Variants in GNL1 observed in about 807,000 individuals in gnomAD.
The protein encoded by GNL1 is G protein nucleolar 1.
In GNL1, 21 loss-of-function variants were observed where a neutral mutation model predicts 75.2. That is an observed-to-expected ratio of 0.28 (90% confidence interval 0.20 to 0.40). The LOEUF is 0.40. Among genes scored for constraint, GNL1 ranks in the 10% least tolerant of loss-of-function variants. The probability of loss-of-function intolerance (pLI) is 1.00; values close to 1 mark genes in which losing one functional copy is unlikely to be tolerated. For missense variants in GNL1, 579 were observed against 775.0 expected (o/e 0.75, Z 3.00); for synonymous variants, 287 against 303.4 (o/e 0.95, Z 0.56).
chr6:30,556,242 C>G lies in GNL1; in HGVS notation c.-39G>C, dbSNP rs774135161. ...CACCTGGCCCGCCCTCCGCCGAGCTCCCGCCGCCTCAACTGACTGCCCCCC... is the reference window on the plus strand; with the variant it reads ...CACCTGGCCCGCCCTCCGCCGAGCTGCCGCCGCCTCAACTGACTGCCCCCC... On this transcript the variant is annotated 5_prime_UTR_variant, in exon 1 of 12. Transcript: ENST00000376621. The surrounding 1 kb of genome is among the most constrained non-coding windows in gnomAD (Gnocchi z 5.7). 8.6e-5 allele frequency: 137 copies of G among 1,596,912 alleles called. No individual in the cohort carries two copies. The highest frequency in any genetic ancestry group is 1.3e-4 in the African/African-American group (10 of 74,846).
rs917271270 is a variant in GNL1 at position 30,544,775 on chromosome 6, C to T, written c.*1297G>A. The T allele has an allele frequency of 2.6e-5, 4 of 152,152 alleles. No homozygotes were observed. Among genetic ancestry groups the T allele is most frequent in the African/African-American group, 9.7e-5 (4 of 41,408 alleles). 9.4% of individuals were successfully genotyped at this position (152,152 alleles called of 1,614,324 possible). On this transcript the variant is annotated 3_prime_UTR_variant, in exon 12 of 12. Coordinates refer to ENST00000376621, the MANE Select transcript of GNL1 (RefSeq NM_005275.5). The stretch of plus-strand genomic sequence containing the variant: ...TTGGTTAACAGGGTCTGTCTGCTCG[C>T]ATTAGAGAAACTGCCCAGTGACTCA...
Position 30,547,245 on chromosome 6 carries a change from C to G in GNL1, c.1308G>C (p.Gln436His). The change falls in exon 10 of 12, where the codon CAG (glutamine) becomes CAC (histidine). Residue 436 changes from glutamine to histidine, a missense_variant. By Grantham distance (24) the Gln-to-His change is conservative. Transcript: ENST00000376621. The surrounding 1 kb of genome is among the most constrained non-coding windows in gnomAD (Gnocchi z 5.5). ...QVLAGIYPIA[Q>H]IQEPYTAVGY... Reference sequence around the variant, plus strand: ...CCACAGCAGTGTAGGGCTCCTGGATCTGGGCGATAGGGTAGATCCCTGCCA... The same window carrying G: ...CCACAGCAGTGTAGGGCTCCTGGATGTGGGCGATAGGGTAGATCCCTGCCA... 1 of 1,608,650 alleles carries G rather than the reference C, an allele frequency of 6.2e-7. No individual in the cohort carries two copies. Among genetic ancestry groups the G allele is most frequent in the South Asian group, 1.1e-5 (1 of 90,580 alleles).
intron 8 of GNL1, among the ~76,000 whole-genome samples, chr6:30,551,287 G>A (rs1038982378): frequency 1.3e-5 from 2 of 152,284 alleles, no homozygotes; most frequent in Middle Eastern, 3.4e-3. Context: ...AGGGAGACTA[G>A]GATCAGAAGT....
In GNL1 at chr6:30,555,485, C is replaced by G. The variant is rs1323648164; in HGVS notation, c.239+70G>C. 2 of 1,462,266 alleles carry G rather than the reference C, an allele frequency of 1.4e-6. No homozygotes were observed. Among genetic ancestry groups the G allele is most frequent in the Admixed American group, 1.8e-5 (1 of 54,584 alleles). 90.6% of individuals were successfully genotyped at this position (1,462,266 alleles called of 1,614,324 possible). ...CCCACCGTCTTCACCAGTAGCAGCC[C>G]GCTTTCCCCCAAAGCTCTGACTTCC... On this transcript the variant is annotated intron_variant, in intron 2 of 11. Coordinates refer to ENST00000376621, the MANE Select transcript of GNL1 (RefSeq NM_005275.5). This position sits in a 1 kb window ranked among gnomAD's most constrained non-coding sequence, Gnocchi z 4.3.
intron 8 of GNL1, among the ~76,000 whole-genome samples, chr6:30,550,210 T>A (rs554378422): frequency 6.6e-6 from 1 of 152,254 alleles, no homozygotes; most frequent in Admixed American, 6.5e-5. Flanking sequence ...TCCGTCCTCT[T>A]CTCTCCCCTA....
Position 30,546,389 on chromosome 6 carries a change from G to A in GNL1, c.1583-76C>T. On this transcript the variant is annotated intron_variant, in intron 11 of 11. Coordinates refer to ENST00000376621, the MANE Select transcript of GNL1 (RefSeq NM_005275.5). This position sits in a 1 kb window ranked among gnomAD's most constrained non-coding sequence, Gnocchi z 5.1. Reference sequence around the variant, plus strand: ...AAAGCCAAGGAAAGATGGGGAAGAGGCAAAGACTAGGAATAACAATAATCT... The same window carrying A: ...AAAGCCAAGGAAAGATGGGGAAGAGACAAAGACTAGGAATAACAATAATCT... The A allele has an allele frequency of 1.2e-6, 1 of 846,088 alleles. No homozygotes were observed. Among genetic ancestry groups the A allele is most frequent in the Non-Finnish European group, 1.9e-6 (1 of 528,398 alleles). 52.4% of individuals were successfully genotyped at this position (846,088 alleles called of 1,614,324 possible).
Position 30,546,693 on chromosome 6 carries a change from G to T in GNL1, c.1582+3C>A. 1 of 1,602,532 alleles carries T rather than the reference G, an allele frequency of 6.2e-7. No individual in the cohort carries two copies. Among genetic ancestry groups the T allele is most frequent in the Non-Finnish European group, 8.5e-7 (1 of 1,173,476 alleles). ...GGCTGGGGAAGAATATCTGGGCTCTGACCTTTCTGTTCACTGTAGCCTGGG... is the reference window on the plus strand; with the variant it reads ...GGCTGGGGAAGAATATCTGGGCTCTTACCTTTCTGTTCACTGTAGCCTGGG... On this transcript the variant is annotated splice_donor_region_variant and intron_variant, in intron 11 of 11. Transcript: ENST00000376621. The surrounding 1 kb of genome is among the most constrained non-coding windows in gnomAD (Gnocchi z 5.1).
At position 30,544,612 on chromosome 6, in the gene GNL1, T is replaced by C. The variant is rs1205206182; in HGVS notation, c.*1460A>G. Reference sequence around the variant, plus strand: ...ACATTTTGGGAAACCTTCAAGTACATTCTCATGCTGGTATTATTTAAACTT... The same window carrying C: ...ACATTTTGGGAAACCTTCAAGTACACTCTCATGCTGGTATTATTTAAACTT... On this transcript the variant is annotated 3_prime_UTR_variant, in exon 12 of 12. Transcript: ENST00000376621. The C allele has an allele frequency of 6.6e-6, 1 of 152,230 alleles. No homozygotes were observed. The highest frequency in any genetic ancestry group is 1.5e-5 in the Non-Finnish European group (1 of 68,056). The allele number at this position is 152,230 out of a possible 1,614,324, so 9.4% of individuals were successfully genotyped here. A position where few individuals can be genotyped will look rare whatever the true frequency, so the allele number is the denominator to read the frequency against.
chr6:30,555,486 G>A lies in GNL1; in HGVS notation c.239+69C>T. 1 of 1,467,932 alleles carries A rather than the reference G, an allele frequency of 6.8e-7. No individual in the cohort carries two copies. Among genetic ancestry groups the A allele is most frequent in the Non-Finnish European group, 9.3e-7 (1 of 1,069,830 alleles). The allele number at this position is 1,467,932 out of a possible 1,614,324, so 90.9% of individuals were successfully genotyped here. ...CCACCGTCTTCACCAGTAGCAGCCC[G>A]CTTTCCCCCAAAGCTCTGACTTCCG... On this transcript the variant is annotated intron_variant, in intron 2 of 11. Coordinates refer to ENST00000376621, the MANE Select transcript of GNL1 (RefSeq NM_005275.5). The surrounding 1 kb of genome is among the most constrained non-coding windows in gnomAD (Gnocchi z 4.3).
In GNL1 at chr6:30,543,994, T is replaced by C. The variant is rs1182893975; in HGVS notation, c.*2078A>G. The C allele has an allele frequency of 1.3e-5, 2 of 152,256 alleles. No homozygotes were observed. The highest frequency in any genetic ancestry group is 4.8e-5 in the African/African-American group (2 of 41,422). The allele number at this position is 152,256 out of a possible 1,614,324, so 9.4% of individuals were successfully genotyped here. A position where few individuals can be genotyped will look rare whatever the true frequency, so the allele number is the denominator to read the frequency against. ...ATGACCCAGACAAGAGGGTGCGTATTTCAGCGTGGAGGGGAGACTGGGCCC... is the reference window on the plus strand; with the variant it reads ...ATGACCCAGACAAGAGGGTGCGTATCTCAGCGTGGAGGGGAGACTGGGCCC... On this transcript the variant is annotated 3_prime_UTR_variant, in exon 12 of 12. Coordinates refer to ENST00000376621, the MANE Select transcript of GNL1 (RefSeq NM_005275.5).
Position 30,556,215 on chromosome 6 carries a change from G to A in GNL1, c.-12C>T. On this transcript the variant is annotated 5_prime_UTR_variant, in exon 1 of 12. Transcript: ENST00000376621. The surrounding 1 kb of genome is among the most constrained non-coding windows in gnomAD (Gnocchi z 5.7). ...TTCTTCCTCGGCATGGCCCGGACCA[G>A]TCACCTGGCCCGCCCTCCGCCGAGC... The A allele has an allele frequency of 6.2e-7, 1 of 1,602,630 alleles. No individual in the cohort carries two copies. Among genetic ancestry groups the A allele is most frequent in the Non-Finnish European group, 8.5e-7 (1 of 1,179,730 alleles).
chr6:30,549,626 G>T (rs1562705894), intron 8 of GNL1, among the ~76,000 whole-genome samples: 1 of 152,082 alleles, frequency 6.6e-6, no homozygotes, highest in Non-Finnish European at 1.5e-5. Context: ...CATTTGGCCT[G>T]TCAGCAACAG....
At position 30,556,249 on chromosome 6, in the gene GNL1, C is replaced by A. The variant is rs1429192509; in HGVS notation, c.-46G>T. 2 of 1,593,112 alleles carry A rather than the reference C, an allele frequency of 1.3e-6. No individual in the cohort carries two copies. Among genetic ancestry groups the A allele is most frequent in the Non-Finnish European group, 1.7e-6 (2 of 1,176,550 alleles). On this transcript the variant is annotated 5_prime_UTR_variant, in exon 1 of 12. Transcript: ENST00000376621. This position sits in a 1 kb window ranked among gnomAD's most constrained non-coding sequence, Gnocchi z 5.7. ...CCCGCCCTCCGCCGAGCTCCCGCCG[C>A]CTCAACTGACTGCCCCCCGGGGCAG... is the stretch of plus-strand genomic sequence containing the variant.
At chr6:30,554,439 G>A in intron 5 of GNL1, 136 bp downstream of exon 5, 1 of 705,656 alleles carries the variant, frequency 1.4e-6, no homozygotes, top group Non-Finnish European at 2.6e-6. Context: ...GTTCCTAACT[G>A]CGGACATCAG....
In GNL1 at chr6:30,556,348, AT is replaced by A. The variant is rs1800193875; in HGVS notation, c.-146del. 4.7e-6 allele frequency: 4 copies of A among 853,104 alleles called. No homozygotes were observed. In the Admixed American group the frequency reaches 9.9e-5, roughly 21 times the overall value. 52.8% of individuals were successfully genotyped at this position (853,104 alleles called of 1,614,324 possible). ...GACGTCAGCGGGCGGGCCCGACAGA[AT>A]TACCGCCGCGGCGGCGATGGAAGGC... is the stretch of plus-strand genomic sequence containing the variant. On this transcript the variant is annotated 5_prime_UTR_variant, in exon 1 of 12. Transcript: ENST00000376621. This position sits in a 1 kb window ranked among gnomAD's most constrained non-coding sequence, Gnocchi z 5.7.
At position 30,542,130 on chromosome 6, in the gene GNL1, C is replaced by T. The variant is rs2127359161; in HGVS notation, c.*3942G>A. The T allele has an allele frequency of 6.6e-6, 1 of 152,566 alleles. No homozygotes were observed. Among genetic ancestry groups the T allele is most frequent in the South Asian group, 2.1e-4 (1 of 4,826 alleles). 9.5% of individuals were successfully genotyped at this position (152,566 alleles called of 1,614,324 possible). ...TCTCCTCACCTCCACTGCCTTTACG[C>T]TTTTCCTCCAAATTATTCCTTAACC... On this transcript the variant is annotated 3_prime_UTR_variant, in exon 12 of 12. Transcript: ENST00000376621. The surrounding 1 kb of genome is among the most constrained non-coding windows in gnomAD (Gnocchi z 4.5).
In GNL1 at chr6:30,546,260, C is replaced by A. The variant is rs549786998; in HGVS notation, c.1636G>T (p.Val546Leu). The change falls in exon 12 of 12, where the codon GTG becomes TTG. Residue 546 changes from valine to leucine, a missense_variant. Val to Leu is a conservative substitution (Grantham distance 32). Transcript: ENST00000376621. This position sits in a 1 kb window ranked among gnomAD's most constrained non-coding sequence, Gnocchi z 5.1. The stretch of plus-strand genomic sequence containing the variant: ...TCCTCCTCGTCACCTGCTGGCCCCA[C>A]CCTGCCCTGCAAAACCACCAGCTCC... ...TTELVVLQGR[V>L]GPAGDEEEEE... The A allele has an allele frequency of 5.0e-6, 8 of 1,593,164 alleles. No homozygotes were observed. In the South Asian group the frequency reaches 9.1e-5, roughly 18 times the overall value.
At position 30,555,279 on chromosome 6, in the gene GNL1, C is replaced by A; in HGVS notation, c.240-88G>T. On this transcript the variant is annotated intron_variant, in intron 2 of 11. Coordinates refer to ENST00000376621, the MANE Select transcript of GNL1 (RefSeq NM_005275.5). This position sits in a 1 kb window ranked among gnomAD's most constrained non-coding sequence, Gnocchi z 4.3. ...CCTCTTGTACAATCAACTTCGCAAACCATTCTCTCCAGAGTCGTTCAAGTC... is the reference window on the plus strand; with the variant it reads ...CCTCTTGTACAATCAACTTCGCAAAACATTCTCTCCAGAGTCGTTCAAGTC... 2.6e-6 allele frequency: 4 copies of A among 1,517,730 alleles called. No individual in the cohort carries two copies. Among genetic ancestry groups the A allele is most frequent in the Non-Finnish European group, 3.6e-6 (4 of 1,101,556 alleles). The allele number at this position is 1,517,730 out of a possible 1,614,324, so 94.0% of individuals were successfully genotyped here.
chr6:30,555,587 C>G lies in GNL1; in HGVS notation c.207G>C (p.Gln69His), dbSNP rs776975239. 1.9e-6 allele frequency: 3 copies of G among 1,613,892 alleles called. No homozygotes were observed. Among genetic ancestry groups the G allele is most frequent in the African/African-American group, 1.3e-5 (1 of 74,920 alleles). ...HIRRLNQQPS[Q>H]GLGPRGYDPN... ...GGTCGTAGCCTCGTGGACCCAGCCC[C>G]TGAGAAGGCTGCTGGTTAAGCCTGC... is the stretch of plus-strand genomic sequence containing the variant. Residue 69 changes from glutamine to histidine, a missense_variant, in exon 2 of 12, where the codon CAG becomes CAC. Physicochemically the swap from Gln to His is conservative, Grantham distance 24 (BLOSUM62 0). Coordinates refer to ENST00000376621, the MANE Select transcript of GNL1 (RefSeq NM_005275.5). This position sits in a 1 kb window ranked among gnomAD's most constrained non-coding sequence, Gnocchi z 4.3.
Sources: allele counts gnomAD v4.1 joint callset (sites outside exome capture counted in the v4.1 genomes callset), GRCh38; gene constraint gnomAD v4.1.1; non-coding constraint Gnocchi (gnomAD v3.1); transcripts MANE v1.5; gene names NCBI Gene and HGNC (gene_info 2026-07-23, HGNC 2026-07-21).